The following COL13A1 variants were observed in gnomAD, a reference collection of about 807,000 sequenced individuals.
COL13A1 encodes collagen type XIII alpha 1 chain, also known as collagen alpha-1(XIII) chain.
In COL13A1, 89 loss-of-function variants were observed where a neutral mutation model predicts 130.9. The observed-to-expected ratio is 0.68, with a 90% CI of 0.57 to 0.81. The LOEUF (loss-of-function observed/expected upper bound fraction) is 0.81, where lower values mean the gene tolerates loss of function less well. Ranked by LOEUF, COL13A1 falls within the 30% of genes least tolerant of loss-of-function variation. The pLI is 0.00. For synonymous variants in COL13A1, 402 were observed against 341.6 expected (o/e 1.18, Z -1.95); for missense variants, 879 against 934.6 (o/e 0.94, Z 0.78).
intron 2 of COL13A1, among the ~76,000 whole-genome samples, chr10:69,843,619 C>CT (rs1446170900): frequency 6.6e-6 from 1 of 152,168 alleles, no homozygotes; most frequent in Non-Finnish European, 1.5e-5. Flanking sequence ...CAGCTTTGAT[C>CT]TATAAAATGA....
intron 7 of COL13A1, among the ~76,000 whole-genome samples, chr10:69,882,474 G>T (rs1157919160): frequency 2.0e-5 from 3 of 152,226 alleles, no homozygotes; most frequent in African/African-American, 7.2e-5. Context: ...CTTCTGCTCA[G>T]GTAGCAATGA....
At chr10:69,913,319 C>T (rs1177251827) in intron 17 of COL13A1, among the ~76,000 whole-genome samples, 1 of 152,194 alleles carries the variant, frequency 6.6e-6, no homozygotes, top group Non-Finnish European at 1.5e-5. Flanking sequence ...TTCTGAGTCC[C>T]TTCTGGGGAG....
At chr10:69,824,101 G>T (rs1286305944) in intron 2 of COL13A1, 1 of 472,158 alleles carries the variant, frequency 2.1e-6, no homozygotes, top group Non-Finnish European at 4.4e-6. Context: ...CCAGTCTTAT[G>T]ACCTTCAGAG....
At chr10:69,924,659 T>A (rs961382683) in intron 24 of COL13A1, among the ~76,000 whole-genome samples, 1 of 151,998 alleles carries the variant, frequency 6.6e-6, no homozygotes, top group African/African-American at 2.4e-5. Flanking sequence ...CCTGCTCCAA[T>A]GGAGGCAACT....
Position 69,919,836 on chromosome 10 carries a change from G to A in COL13A1, c.1089+109G>A, listed in dbSNP as rs893478692. On this transcript the variant is annotated intron_variant, in intron 21 of 40. Coordinates refer to ENST00000645393, the MANE Select transcript of COL13A1 (RefSeq NM_001368882.1). ...GTGTCGCCTGCAGCGTGCTGTTGGT[G>A]CATGTGTTCCGAGATGAGGGGAGTG... 381 of 398,010 alleles carry A rather than the reference G, an allele frequency of 9.6e-4. 4 individuals carry two copies. The East Asian group carries it at 0.013, about 14-fold the overall frequency. The allele number at this position is 398,010 out of a possible 1,614,324, so 24.7% of individuals were successfully genotyped here.
rs746477499 is a variant in COL13A1, at chr10:69,924,915, T to C, written c.1285-48T>C. On this transcript the variant is annotated intron_variant, in intron 24 of 40. Transcript: ENST00000645393. ...TGGCCCATCTAGGGACATCAGGCTC[T>C]CTGTACCAACTTTATCCCCACTTTG... 16 of 1,531,710 alleles carry C rather than the reference T, an allele frequency of 1.0e-5. No individual in the cohort carries two copies. In the Admixed American group the frequency reaches 3.2e-4, roughly 31 times the overall value. 94.9% of individuals were successfully genotyped at this position (1,531,710 alleles called of 1,614,324 possible). A position where few individuals can be genotyped will look rare whatever the true frequency, so the allele number is the denominator to read the frequency against.
chr10:69,876,622 C>G (rs1307463038), intron 5 of COL13A1, among the ~76,000 whole-genome samples: 2 of 152,208 alleles, frequency 1.3e-5, no homozygotes, highest in African/African-American at 4.8e-5. Context: ...GATCCTGAGT[C>G]CTCCCAAGCC....
chr10:69,869,728 A>G (rs910094477), intron 3 of COL13A1, among the ~76,000 whole-genome samples: 1 of 152,188 alleles, frequency 6.6e-6, no homozygotes, highest in Non-Finnish European at 1.5e-5. Flanking sequence ...CTCCCAATCC[A>G]TTGGCATCAG....
intron 7 of COL13A1, among the ~76,000 whole-genome samples, chr10:69,882,263 A>G (rs768425340): frequency 6.8e-4 from 103 of 152,092 alleles, no homozygotes; most frequent in Admixed American, 9.2e-4. Context: ...CTGATGTTCT[A>G]TTGTGTGGAT....
intron 21 of COL13A1, among the ~76,000 whole-genome samples, chr10:69,920,556 G>A (rs941092753): frequency 3.9e-5 from 6 of 152,312 alleles, no homozygotes; most frequent in African/African-American, 1.4e-4. Context: ...AATAGGATTG[G>A]TGGCCCTAGA....
intron 2 of COL13A1, chr10:69,860,716 G>A (rs781084690): frequency 1.8e-5 from 5 of 278,140 alleles, no homozygotes; most frequent in Non-Finnish European, 3.6e-5. Flanking sequence ...CCTTGCCTGT[G>A]GCCTTCTGCG....
Position 69,802,468 on chromosome 10 carries a change from C to T in COL13A1, c.45C>T (p.Arg15=). 6.6e-7 allele frequency: 1 copy of T among 1,506,770 alleles called. No homozygotes were observed. The highest frequency in any genetic ancestry group is 1.3e-5 in the South Asian group (1 of 78,270). The allele number at this position is 1,506,770 out of a possible 1,614,324, so 93.3% of individuals were successfully genotyped here. A position where few individuals can be genotyped will look rare whatever the true frequency, so the allele number is the denominator to read the frequency against. The part of the protein sequence containing the change: ...RTHKAAATGA[R]GPGELGAPGT... ...ACAAAGCGGCAGCCACCGGTGCCCG[C>T]GGCCCTGGGGAGTTGGGCGCGCCCG... Residue 15 remains arginine, a synonymous_variant, in exon 1 of 41, where the codon CGC becomes CGT. Coordinates refer to ENST00000645393, the MANE Select transcript of COL13A1 (RefSeq NM_001368882.1).
At chr10:69,840,522 C>T (rs904876011) in intron 2 of COL13A1, among the ~76,000 whole-genome samples, 2 of 152,176 alleles carry the variant, frequency 1.3e-5, no homozygotes, top group South Asian at 2.1e-4. Flanking sequence ...CCCCTCCCCA[C>T]CTCAGCAGCT....
chr10:69,914,469 C>T (rs187872814), intron 17 of COL13A1, among the ~76,000 whole-genome samples: 14 of 152,286 alleles, frequency 9.2e-5, no homozygotes, highest in African/African-American at 3.4e-4. Flanking sequence ...GAACCCTGGA[C>T]CAGTGGGAGA....
At chr10:69,896,778 G>A (rs1376658982) in intron 13 of COL13A1, among the ~76,000 whole-genome samples, 1 of 152,228 alleles carries the variant, frequency 6.6e-6, no homozygotes, top group African/African-American at 2.4e-5. Context: ...GGCTGAGGAA[G>A]GCAGGCCAGC....
chr10:69,823,371 G>C (rs888142481), intron 2 of COL13A1, among the ~76,000 whole-genome samples: 1 of 152,178 alleles, frequency 6.6e-6, no homozygotes, highest in African/African-American at 2.4e-5. Context: ...TTAGAGGTGG[G>C]GAAGGAAGGC....
chr10:69,854,009 A>T (rs987437007), intron 2 of COL13A1, among the ~76,000 whole-genome samples: 19 of 152,244 alleles, frequency 1.2e-4, no homozygotes, highest in Admixed American at 3.3e-4. Flanking sequence ...ACTAAAAAAA[A>T]TTTTAAAGCA....
chr10:69,880,674 G>A (rs1047223135), intron 7 of COL13A1, 121 bp downstream of exon 7: 19 of 1,017,354 alleles, frequency 1.9e-5, no homozygotes, highest in Non-Finnish European at 2.5e-5. Flanking sequence ...GGAGGCCACC[G>A]CATGTGATGT....
intron 32 of COL13A1, among the ~76,000 whole-genome samples, chr10:69,936,110 A>G (rs189399321): frequency 0.069 from 2,135 of 30,842 alleles, 55 homozygotes; most frequent in Non-Finnish European, 0.087. Flanking sequence ...GGGAGGAAGG[A>G]AGGAAGGAAG....
Sources: allele counts gnomAD v4.1 joint callset (sites outside exome capture counted in the v4.1 genomes callset), GRCh38; gene constraint gnomAD v4.1.1; transcripts MANE v1.5; gene names NCBI Gene and HGNC (gene_info 2026-07-23, HGNC 2026-07-21).